CDH13: variants seen among roughly 807,000 people sequenced by gnomAD.
The protein encoded by CDH13 is cadherin 13.
In CDH13, 24 loss-of-function variants were observed where a neutral mutation model predicts 63.8. That is an observed-to-expected ratio of 0.38 (90% CI 0.27 to 0.53). The LOEUF (loss-of-function observed/expected upper bound fraction) is 0.53. Among genes scored for constraint, CDH13 ranks in the 20% least tolerant of loss-of-function variants. CDH13 has a pLI of 0.85. For missense variants in CDH13, 1,049 were observed against 903.1 expected, an observed-to-expected ratio of 1.16 and a Z score of -2.07; for synonymous variants, 503 against 355.3, an observed-to-expected ratio of 1.42 and a Z score of -4.67.
At chr16:83,159,333 A>G (rs947796263) in intron 4 of CDH13, among the ~76,000 whole-genome samples, 1 of 152,180 alleles carries the variant, frequency 6.6e-6, no homozygotes, top group Non-Finnish European at 1.5e-5. Flanking sequence ...GATTATTACA[A>G]AGCCTGCATT....
chr16:83,677,209 T>G (rs1915028521), intron 9 of CDH13, among the ~76,000 whole-genome samples: 1 of 152,104 alleles, frequency 6.6e-6, no homozygotes, highest in Non-Finnish European at 1.5e-5. Flanking sequence ...GGAAAGAGAG[T>G]GACAGACACT....
intron 4 of CDH13, among the ~76,000 whole-genome samples, chr16:83,168,387 A>G (rs1018660649): frequency 6.6e-6 from 1 of 151,952 alleles, no homozygotes; most frequent in Non-Finnish European, 1.5e-5. Context: ...ATACACACAC[A>G]TATATTTACG....
chr16:83,397,509 C>T (rs1025133074), intron 6 of CDH13: 3 of 152,154 alleles, frequency 2.0e-5, no homozygotes, highest in Admixed American at 2.0e-4. Flanking sequence ...GGAAGATGAG[C>T]ATGGGGGAGA....
chr16:83,672,324 T>G (rs1914566918), intron 9 of CDH13, among the ~76,000 whole-genome samples: 1 of 150,868 alleles, frequency 6.6e-6, no homozygotes. Flanking sequence ...CTGTGTCTAG[T>G]GAGGACCCAC....
At chr16:82,689,982 TAAAAAAAAAAAAAAAAAAAAA>T (rs71146085) in intron 1 of CDH13, among the ~76,000 whole-genome samples, 3 of 15,772 alleles carry the variant, frequency 1.9e-4, no homozygotes, top group Admixed American at 1.3e-3. Flanking sequence ...CCATCTCTAC[TAAAAAAAAAAAAAAAAAAAAA>T]AAAAAAAAAA....
Position 83,670,968 on chromosome 16 carries a change from T to G in CDH13, c.1280T>G (p.Val427Gly), listed in dbSNP as rs1914447972. The part of the protein sequence containing the change: ...PQTNEGMLSV[V>G]KPLDYEISAF... ...ACCAACGAAGGGATGCTTTCTGTTG[T>G]CAAAGTAAGGGTGCTTCCAATTGCC... is the stretch of plus-strand genomic sequence containing the variant. The change falls in exon 9 of 14, where the codon GTC becomes GGC. Residue 427 changes from valine (V) to glycine (G), a missense_variant. Transcript: ENST00000567109. 1 of 1,592,326 alleles carries G rather than the reference T, an allele frequency of 6.3e-7. No individual in the cohort carries two copies. Among genetic ancestry groups the G allele is most frequent in the Non-Finnish European group, 8.6e-7 (1 of 1,166,720 alleles).
At chr16:83,070,717 T>C (rs894259783) in intron 3 of CDH13, among the ~76,000 whole-genome samples, 1 of 152,120 alleles carries the variant, frequency 6.6e-6, no homozygotes, top group African/African-American at 2.4e-5. Flanking sequence ...CTGAACTATT[T>C]ATCTGTGAGG....
chr16:83,002,877 G>C (rs1046004511), intron 2 of CDH13, among the ~76,000 whole-genome samples: 3 of 152,188 alleles, frequency 2.0e-5, no homozygotes, highest in Admixed American at 6.5e-5. Flanking sequence ...AGGCTGACAA[G>C]ACCAGATTAT....
At chr16:83,013,649 A>C (rs114655752) in intron 2 of CDH13, among the ~76,000 whole-genome samples, 1 of 152,242 alleles carries the variant, frequency 6.6e-6, no homozygotes, top group Non-Finnish European at 1.5e-5. Flanking sequence ...TAACTTGTCT[A>C]TTCCTCAGAG....
intron 6 of CDH13, among the ~76,000 whole-genome samples, chr16:83,455,073 G>A (rs8063662): frequency 0.48 from 72,253 of 151,986 alleles, 17,711 homozygotes; most frequent in African/African-American, 0.56. Context: ...TAAAATCGGA[G>A]CCATTGTTAT....
chr16:83,207,461 TAGA>T (rs1163131056), intron 4 of CDH13, among the ~76,000 whole-genome samples: 1 of 152,246 alleles, frequency 6.6e-6, no homozygotes. Flanking sequence ...TACACACATG[TAGA>T]CACATACAAT....
At chr16:83,028,566 G>A (rs900568362) in intron 2 of CDH13, among the ~76,000 whole-genome samples, 6 of 152,178 alleles carry the variant, frequency 3.9e-5, no homozygotes, top group Non-Finnish European at 7.3e-5. Flanking sequence ...CAAGACCTAC[G>A]TAGATACCTC....
In CDH13 at chr16:83,270,466, C is replaced by G. The variant is rs113002642; in HGVS notation, c.636+52969C>G. Among the ~76,000 whole-genome samples the G allele has an allele frequency of 5.6e-3, 859 of 152,228 alleles. 11 individuals are homozygous for G. Among genetic ancestry groups the G allele is most frequent in the African/African-American group, 0.019 (780 of 41,532 alleles). On this transcript the variant is annotated intron_variant, in intron 5 of 13. Transcript: ENST00000567109. ...AGCTTCTTCCCTTAGTAAGCCACCC[C>G]CATTGTGAAATTTAAAATATTTAAA...
At chr16:83,604,295 T>C (rs546165537) in intron 8 of CDH13, among the ~76,000 whole-genome samples, 9 of 152,284 alleles carry the variant, frequency 5.9e-5, no homozygotes, top group East Asian at 5.8e-4. Flanking sequence ...AGGGTTCCTC[T>C]AGCTGCTAAT....
At chr16:82,728,945 A>G (rs551235960) in intron 1 of CDH13, among the ~76,000 whole-genome samples, 147 of 152,308 alleles carry the variant, frequency 9.7e-4, no homozygotes, top group Non-Finnish European at 1.9e-3. Flanking sequence ...TTCCCAAGGA[A>G]TAGAATCCAT....
At chr16:82,733,077 G>A (rs2033484670) in intron 1 of CDH13, among the ~76,000 whole-genome samples, 1 of 152,194 alleles carries the variant, frequency 6.6e-6, no homozygotes, top group East Asian at 1.9e-4. Flanking sequence ...GTGGGTAATT[G>A]TGCCTATCGA....
At chr16:83,379,622 T>C (rs2091519821) in intron 6 of CDH13, among the ~76,000 whole-genome samples, 1 of 152,054 alleles carries the variant, frequency 6.6e-6, no homozygotes, top group African/African-American at 2.4e-5. Flanking sequence ...TGATACTATA[T>C]ATTTGCCAGG....
At chr16:83,173,789 G>T (rs2038016988) in intron 4 of CDH13, among the ~76,000 whole-genome samples, 2 of 152,024 alleles carry the variant, frequency 1.3e-5, no homozygotes, top group Non-Finnish European at 2.9e-5. Flanking sequence ...TGCCCAAACT[G>T]AGGTTGTACC....
chr16:82,787,636 T>C lies in CDH13; in HGVS notation c.46-70726T>C, dbSNP rs183408338. ...GAAGTAGAATTATTATTGTCCTAAA[T>C]GGACAGGTGGGACCTAGGTTGCCCA... On this transcript the variant is annotated intron_variant, in intron 1 of 13. Transcript: ENST00000567109. Among the ~76,000 whole-genome samples, 5 of 152,322 alleles carry C rather than the reference T, an allele frequency of 3.3e-5. No individual in the cohort carries two copies. In the East Asian group the frequency reaches 9.6e-4, roughly 29 times the overall value.
Sources: allele counts gnomAD v4.1 joint callset (sites outside exome capture counted in the v4.1 genomes callset), GRCh38; gene constraint gnomAD v4.1.1; transcripts MANE v1.5; gene names NCBI Gene and HGNC (gene_info 2026-07-23, HGNC 2026-07-21).